GRIP1: variants seen among roughly 807,000 people sequenced by gnomAD.
The protein encoded by GRIP1 is glutamate receptor-interacting protein 1.
A neutral mutation model predicts 129.9 loss-of-function variants in GRIP1; 45 were observed. The ratio of observed to expected loss-of-function variants is 0.35; its 90% confidence interval spans 0.27 to 0.44. The LOEUF is 0.44. Among genes scored for constraint, GRIP1 ranks in the 20% least tolerant of loss-of-function variants. GRIP1 has a pLI of 1.00. For synonymous variants in GRIP1, 530 were observed against 520.8 expected (o/e 1.02, Z -0.24); for missense variants, 1,196 against 1,396.8 (o/e 0.86, Z 2.29).
intron 7 of GRIP1, among the ~76,000 whole-genome samples, chr12:66,470,033 G>T (rs2059394340): frequency 6.6e-6 from 1 of 151,972 alleles, no homozygotes; most frequent in South Asian, 2.1e-4. Flanking sequence ...CCCCTAAATA[G>T]CTCTCAATTT....
At chr12:66,949,000 T>G (rs1382776339) in intron 1 of GRIP1, among the ~76,000 whole-genome samples, 1 of 152,144 alleles carries the variant, frequency 6.6e-6, no homozygotes, top group Non-Finnish European at 1.5e-5. Context: ...TAAAAGCATA[T>G]AGTGGAGCTG....
At chr12:66,542,876 C>T (rs1287886765) in intron 2 of GRIP1, among the ~76,000 whole-genome samples, 2 of 152,102 alleles carry the variant, frequency 1.3e-5, no homozygotes, top group Non-Finnish European at 2.9e-5. Flanking sequence ...TTAAGTTACA[C>T]ATTTCAGGGG....
intron 1 of GRIP1, among the ~76,000 whole-genome samples, chr12:66,933,031 A>C (rs2041425343): frequency 1.3e-5 from 2 of 152,230 alleles, no homozygotes; most frequent in Admixed American, 6.5e-5. Context: ...ATAGGTAACG[A>C]GTTCCATTTT....
intron 1 of GRIP1, among the ~76,000 whole-genome samples, chr12:66,960,261 C>T (rs544903587): frequency 6.6e-6 from 1 of 152,148 alleles, no homozygotes; most frequent in East Asian, 1.9e-4. Flanking sequence ...CACCAGTTGT[C>T]CAGGCATTAG....
chr12:66,649,135 A>C (rs1273295920), intron 1 of GRIP1, among the ~76,000 whole-genome samples: 1 of 152,198 alleles, frequency 6.6e-6, no homozygotes, highest in Non-Finnish European at 1.5e-5. Flanking sequence ...CTGTATATCA[A>C]ATAAAATTGC....
At chr12:66,717,399 C>G (rs1414668703) in intron 1 of GRIP1, among the ~76,000 whole-genome samples, 4 of 146,428 alleles carry the variant, frequency 2.7e-5, no homozygotes, top group African/African-American at 1.0e-4. Context: ...AAAAAAAAGT[C>G]ACCACATGGC....
At chr12:66,916,949 C>T (rs2041133695) in intron 1 of GRIP1, among the ~76,000 whole-genome samples, 1 of 152,174 alleles carries the variant, frequency 6.6e-6, no homozygotes, top group Admixed American at 6.5e-5. Flanking sequence ...AGTAGGAATA[C>T]ATCTTTATAA....
Position 66,966,886 on chromosome 12 carries a change from A to T in GRIP1, c.58+102164T>A, listed in dbSNP as rs562879628. ...CCTTTCCACACTATACTCTGAAACA[A>T]AGTCACTATGCATAACCTACACTTT... On this transcript the variant is annotated intron_variant, in intron 1 of 1. Coordinates refer to the GRIP1 transcript ENST00000643019. Among the ~76,000 whole-genome samples the T allele has an allele frequency of 2.0e-5, 3 of 152,296 alleles. No homozygotes were observed. The East Asian group carries it at 5.8e-4, about 29-fold the overall frequency.
At chr12:66,354,627 T>TTA (rs569707452) in intron 23 of GRIP1, among the ~76,000 whole-genome samples, 138 of 152,128 alleles carry the variant, frequency 9.1e-4, no homozygotes, top group African/African-American at 1.2e-3. Flanking sequence ...TCTACTGTAA[T>TTA]TATATATATA....
At chr12:66,933,922 T>C (rs73333034) in intron 1 of GRIP1, among the ~76,000 whole-genome samples, 3,879 of 152,258 alleles carry the variant, frequency 0.025, 176 homozygotes, top group African/African-American at 0.089. Context: ...TTTGATAACC[T>C]TTACCTTGTT....
chr12:66,558,235 T>C (rs2062400296), intron 2 of GRIP1, among the ~76,000 whole-genome samples: 1 of 152,154 alleles, frequency 6.6e-6, no homozygotes, highest in South Asian at 2.1e-4. Flanking sequence ...AGAGGTTTAA[T>C]GGACTCACAG....
At chr12:66,600,317 TAC>T (rs1326587111) in intron 1 of GRIP1, among the ~76,000 whole-genome samples, 1 of 152,156 alleles carries the variant, frequency 6.6e-6, no homozygotes, top group Non-Finnish European at 1.5e-5. Context: ...ATTGGAGAGA[TAC>T]TAAATAGGCT....
intron 1 of GRIP1, among the ~76,000 whole-genome samples, chr12:66,689,694 A>T (rs1297466320): frequency 6.6e-6 from 1 of 151,832 alleles, no homozygotes; most frequent in Non-Finnish European, 1.5e-5. Context: ...CTTAAGATCT[A>T]CTCTCTTACC....
intron 23 of GRIP1, among the ~76,000 whole-genome samples, chr12:66,364,265 C>CAAAAAAAAAAA (rs1159887365): frequency 6.1e-5 from 1 of 16,342 alleles, no homozygotes; most frequent in Non-Finnish European, 1.1e-4. Context: ...GACTCCATCT[C>CAAAAAAAAAAA]AAAAAAAAAA....
At chr12:66,759,779 T>C (rs2037412784) in intron 1 of GRIP1, among the ~76,000 whole-genome samples, 1 of 152,050 alleles carries the variant, frequency 6.6e-6, no homozygotes, top group South Asian at 2.1e-4. Context: ...AAATCACCTT[T>C]GCTCCAGTTC....
chr12:66,803,037 G>A (rs1419907492), intron 1 of GRIP1, among the ~76,000 whole-genome samples: 5 of 152,006 alleles, frequency 3.3e-5, no homozygotes, highest in Non-Finnish European at 5.9e-5. Context: ...TTCATCAATC[G>A]CAACAGAATT....
At chr12:66,390,192 C>T (rs927496884) in intron 19 of GRIP1, among the ~76,000 whole-genome samples, 3 of 152,180 alleles carry the variant, frequency 2.0e-5, no homozygotes, top group African/African-American at 7.2e-5. Context: ...GACCTGGCAC[C>T]AAGGGCTGCA....
At chr12:66,614,910 C>A (rs1042664110) in intron 1 of GRIP1, among the ~76,000 whole-genome samples, 2 of 152,148 alleles carry the variant, frequency 1.3e-5, no homozygotes, top group East Asian at 3.9e-4. Flanking sequence ...GCATGACCAG[C>A]CTCTTCTCAA....
In GRIP1 at chr12:66,923,686, A is replaced by C. The variant is rs139828320; in HGVS notation, c.58+145364T>G. Among the ~76,000 whole-genome samples the C allele has an allele frequency of 3.0e-3, 458 of 152,302 alleles. 4 individuals are homozygous for C. The highest frequency in any genetic ancestry group is 0.01 in the African/African-American group (431 of 41,572). ...TAAGAACCCAGTTCCAGATTCAGAA[A>C]GACCTGGTTGAAATCCCAGCTCTGC... is the stretch of plus-strand genomic sequence containing the variant. On this transcript the variant is annotated intron_variant, in intron 1 of 1. Transcript: ENST00000643019.
Sources: allele counts gnomAD v4.1 joint callset (sites outside exome capture counted in the v4.1 genomes callset), GRCh38; gene constraint gnomAD v4.1.1; transcripts MANE v1.5; gene names NCBI Gene and HGNC (gene_info 2026-07-23, HGNC 2026-07-21).